The following ZFR variants were observed in gnomAD, a reference collection of about 807,000 sequenced individuals.
ZFR encodes zinc finger RNA-binding protein.
In ZFR, 19 loss-of-function variants were observed where a neutral mutation model predicts 130.7. That is an observed-to-expected ratio of 0.15 (90% CI 0.10 to 0.21). ZFR has a LOEUF of 0.21. Among genes scored for constraint, ZFR ranks in the 10% least tolerant of loss-of-function variants. The pLI is 1.00. For synonymous variants in ZFR, 466 were observed against 456.9 expected (o/e 1.02, Z -0.25); for missense variants, 872 against 1,321.5 (o/e 0.66, Z 5.27).
chr5:32,402,650 C>A (rs1753481672), intron 8 of ZFR, among the ~76,000 whole-genome samples: 1 of 150,428 alleles, frequency 6.6e-6, no homozygotes, highest in Non-Finnish European at 1.5e-5. Flanking sequence ...TGATGGAGCA[C>A]AGCTATAGTC....
intron 12 of ZFR, among the ~76,000 whole-genome samples, chr5:32,388,962 A>C (rs762252280): frequency 6.6e-6 from 1 of 152,152 alleles, no homozygotes; most frequent in Non-Finnish European, 1.5e-5. Flanking sequence ...AACCTTAGAA[A>C]CCAGTGATTC....
chr5:32,400,259 CT>C, intron 8 of ZFR, 56 bp from the exon 9 acceptor site: 3 of 1,275,266 alleles, frequency 2.4e-6, no homozygotes, highest in Non-Finnish European at 2.1e-6. Context: ...ATATATATAC[CT>C]GATAAGACGA....
intron 2 of ZFR, among the ~76,000 whole-genome samples, chr5:32,422,291 T>C (rs776316380): frequency 1.3e-5 from 2 of 152,172 alleles, no homozygotes; most frequent in Non-Finnish European, 2.9e-5. Context: ...CTACTGCCGG[T>C]GTAATTATTA....
At chr5:32,397,921 G>A (rs1452579182) in intron 9 of ZFR, among the ~76,000 whole-genome samples, 3 of 130,848 alleles carry the variant, frequency 2.3e-5, no homozygotes, top group Non-Finnish European at 3.1e-5. Flanking sequence ...GCAGTGGTGC[G>A]ATCTCGGCTC....
At chr5:32,410,403 G>A (rs1045755401) in intron 5 of ZFR, among the ~76,000 whole-genome samples, 11 of 152,114 alleles carry the variant, frequency 7.2e-5, no homozygotes, top group Non-Finnish European at 1.5e-5. Flanking sequence ...GAGCTCAGGA[G>A]TTCGAGACCA....
chr5:32,429,009 G>T (rs1464935451), intron 2 of ZFR, among the ~76,000 whole-genome samples: 1 of 114,546 alleles, frequency 8.7e-6, no homozygotes, highest in Non-Finnish European at 1.6e-5. Flanking sequence ...TTTTTGAGAC[G>T]GAGTCTTGCT....
chr5:32,421,811 C>T (rs1207738836), intron 2 of ZFR, among the ~76,000 whole-genome samples: 1 of 152,108 alleles, frequency 6.6e-6, no homozygotes, highest in African/African-American at 2.4e-5. Context: ...ATAAAACTAA[C>T]ATTTTCTACA....
intron 19 of ZFR, among the ~76,000 whole-genome samples, chr5:32,361,773 C>T (rs1752440012): frequency 6.6e-6 from 1 of 152,020 alleles, no homozygotes; most frequent in African/African-American, 2.4e-5. Context: ...CACTCACATG[C>T]CACCACGCCC....
intron 15 of ZFR, 110 bp from the exon 16 acceptor site, chr5:32,380,282 T>C (rs1363229202): frequency 3.0e-6 from 2 of 661,456 alleles, no homozygotes; most frequent in Admixed American, 2.4e-5. Context: ...TGAGAGCTTG[T>C]TGGCACTTTA....
chr5:32,444,220 T>C lies in ZFR; in HGVS notation c.137+9A>G. On this transcript the variant is annotated intron_variant, in intron 2 of 19. Coordinates refer to ENST00000265069, the MANE Select transcript of ZFR (RefSeq NM_016107.5). ...AGGGGCGAACAGAGAGAAGGCAGGA[T>C]GCCGTTACCTATATTGGGCCGCAGC... 1 of 1,594,730 alleles carries C rather than the reference T, an allele frequency of 6.3e-7. No homozygotes were observed. The highest frequency in any genetic ancestry group is 1.1e-5 in the South Asian group (1 of 88,344).
At chr5:32,397,122 G>A (rs1254442389) in intron 10 of ZFR, 97 bp downstream of exon 10, 7 of 1,383,540 alleles carry the variant, frequency 5.1e-6, no homozygotes, top group Non-Finnish European at 5.8e-6. Context: ...GACTTGGCAA[G>A]CTGTGTTTAG....
chr5:32,399,825 T>C (rs2910883), intron 9 of ZFR, among the ~76,000 whole-genome samples, 182 bp downstream of exon 9: 3 of 152,212 alleles, frequency 2.0e-5, no homozygotes, highest in African/African-American at 7.2e-5. Flanking sequence ...AAAATCATTA[T>C]GATGTCACTT....
rs752192524 is a variant in ZFR at position 32,406,840 on chromosome 5, T to C, written c.966A>G (p.Lys322=). 8 of 1,613,898 alleles carry C rather than the reference T, an allele frequency of 5.0e-6. No individual in the cohort carries two copies. The South Asian group carries it at 8.8e-5, about 18-fold the overall frequency. Residue 322 remains lysine, a synonymous_variant, in exon 6 of 20, where the codon AAA becomes AAG. Coordinates refer to ENST00000265069, the MANE Select transcript of ZFR (RefSeq NM_016107.5). ...APFQNKQLKP[K]QPPKPPQIHY... is the part of the protein sequence containing the mutation. ...GAATCTGTGGTGGTTTGGGAGGCTG[T>C]TTTGGTTTCAGTTGTTTATTTTGGA...
intron 17 of ZFR, among the ~76,000 whole-genome samples, chr5:32,372,760 A>T (rs1389941970): frequency 1.3e-5 from 2 of 151,996 alleles, no homozygotes; most frequent in Non-Finnish European, 2.9e-5. Context: ...TCTTGAACCC[A>T]GGAGGTGGAG....
At chr5:32,396,563 C>T (rs188622640) in intron 10 of ZFR, among the ~76,000 whole-genome samples, 2 of 152,154 alleles carry the variant, frequency 1.3e-5, no homozygotes, top group Admixed American at 1.3e-4. Context: ...CATGGTGAAA[C>T]CCCATCTCTA....
intron 17 of ZFR, among the ~76,000 whole-genome samples, chr5:32,372,539 T>G (rs1752696267): frequency 1.3e-5 from 2 of 151,926 alleles, no homozygotes; most frequent in Admixed American, 1.3e-4. Context: ...GCCTATTCAA[T>G]AAGAAGCTGA....
chr5:32,425,739 T>C (rs991903333), intron 2 of ZFR, among the ~76,000 whole-genome samples: 33 of 152,244 alleles, frequency 2.2e-4, no homozygotes, highest in African/African-American at 7.2e-5. Flanking sequence ...TTGGCCAGGC[T>C]GGTCTCAAAC....
At chr5:32,408,042 G>T (rs1753615422) in intron 5 of ZFR, among the ~76,000 whole-genome samples, 2 of 151,910 alleles carry the variant, frequency 1.3e-5, no homozygotes, top group Non-Finnish European at 2.9e-5. Context: ...ACCTTTCAGT[G>T]CATGCTTTAT....
At position 32,400,233 on chromosome 5, in the gene ZFR, TTTTA is replaced by T. The variant is rs1561892506; in HGVS notation, c.1517-34_1517-31del. Reference sequence around the variant, plus strand: ...AAAAGTATCAAAAAGTTAAAAAAAATTTTATTTTTGTATAAATATATATACCTGA... The same window carrying T: ...AAAAGTATCAAAAAGTTAAAAAAAATTTTTTGTATAAATATATATACCTGA... On this transcript the variant is annotated intron_variant, in intron 8 of 19. Coordinates refer to ENST00000265069, the MANE Select transcript of ZFR (RefSeq NM_016107.5). 2.7e-6 allele frequency: 4 copies of T among 1,494,274 alleles called. No homozygotes were observed. The African/African-American group carries it at 5.7e-5, about 21-fold the overall frequency. The allele number at this position is 1,494,274 out of a possible 1,614,324, so 92.6% of individuals were successfully genotyped here.
Sources: allele counts gnomAD v4.1 joint callset (sites outside exome capture counted in the v4.1 genomes callset), GRCh38; gene constraint gnomAD v4.1.1; transcripts MANE v1.5; gene names NCBI Gene and HGNC (gene_info 2026-07-23, HGNC 2026-07-21).